The following RAB7A variants were observed in gnomAD, a reference collection of about 807,000 sequenced individuals.
The protein encoded by RAB7A is RAB7A, member RAS oncogene family, also known as ras-related protein Rab-7a.
A neutral mutation model predicts 24.5 loss-of-function variants in RAB7A; 2 were observed. The ratio of observed to expected loss-of-function variants is 0.08; its 90% CI spans 0.03 to 0.26. RAB7A has a LOEUF of 0.26. Among genes scored for constraint, RAB7A ranks in the 10% least tolerant of loss-of-function variants. RAB7A has a pLI of 1.00. For missense variants in RAB7A, 118 were observed against 255.7 expected (o/e 0.46, Z 3.67); for synonymous variants, 100 against 95.9 (o/e 1.04, Z -0.25).
intron 1 of RAB7A, among the ~76,000 whole-genome samples, chr3:128,754,530 A>G (rs1460481050): frequency 1.3e-5 from 2 of 152,234 alleles, no homozygotes; most frequent in Non-Finnish European, 2.9e-5. Context: ...TGAGGCATAT[A>G]TACAAAACAA....
chr3:128,795,173 G>A (rs754623626), intron 1 of RAB7A, 187 bp from the exon 2 acceptor site: 7 of 648,448 alleles, frequency 1.1e-5, no homozygotes, highest in South Asian at 7.1e-5. Flanking sequence ...GTTCTGCCTC[G>A]CTCTTGGGTC....
At chr3:128,745,990 C>T (rs374752085) in intron 1 of RAB7A, among the ~76,000 whole-genome samples, 2 of 152,346 alleles carry the variant, frequency 1.3e-5, no homozygotes, top group East Asian at 1.9e-4. Flanking sequence ...ACCTGCCATG[C>T]TGTATTGTCA....
intron 1 of RAB7A, among the ~76,000 whole-genome samples, chr3:128,731,368 C>T (rs563642632): frequency 6.6e-6 from 1 of 152,194 alleles, no homozygotes; most frequent in East Asian, 1.9e-4. Context: ...ATGAGGATCC[C>T]TGAGATAACT....
intron 1 of RAB7A, among the ~76,000 whole-genome samples, chr3:128,730,474 C>T (rs747387493): frequency 2.6e-5 from 4 of 152,148 alleles, no homozygotes; most frequent in African/African-American, 7.2e-5. Flanking sequence ...GTGATCCACC[C>T]GCCTCGGCCT....
intron 3 of RAB7A, 124 bp downstream of exon 3, chr3:128,798,193 G>A: frequency 7.8e-7 from 1 of 1,283,164 alleles, no homozygotes; most frequent in Non-Finnish European, 1.1e-6. Context: ...GTAGATAATT[G>A]GCTGATACTC....
chr3:128,792,957 T>C (rs1933490771), intron 1 of RAB7A, among the ~76,000 whole-genome samples: 1 of 151,978 alleles, frequency 6.6e-6, no homozygotes, highest in Non-Finnish European at 1.5e-5. Flanking sequence ...TTCAAACGAT[T>C]CTCCTGCCTC....
chr3:128,757,136 C>T (rs142323572), intron 1 of RAB7A, among the ~76,000 whole-genome samples: 130 of 152,260 alleles, frequency 8.5e-4, no homozygotes, highest in African/African-American at 3.0e-3. Context: ...TGAGCCACCA[C>T]ACCTGGCCCA....
At chr3:128,780,490 G>C (rs1368757847) in intron 1 of RAB7A, among the ~76,000 whole-genome samples, 1 of 152,112 alleles carries the variant, frequency 6.6e-6, no homozygotes, top group African/African-American at 2.4e-5. Context: ...GTACTTACCA[G>C]CTTATAGAGA....
intron 2 of RAB7A, among the ~76,000 whole-genome samples, chr3:128,795,750 G>GTTTTTTTTTTTT (rs1491091651): frequency 8.7e-4 from 6 of 6,872 alleles, no homozygotes; most frequent in South Asian, 0.014. Flanking sequence ...TAGCAGATGT[G>GTTTTTTTTTTTT]CTTTTTTTTT....
intron 1 of RAB7A, among the ~76,000 whole-genome samples, chr3:128,775,838 A>G (rs1220229695): frequency 1.3e-5 from 2 of 152,212 alleles, no homozygotes; most frequent in African/African-American, 4.8e-5. Flanking sequence ...ATATACACAC[A>G]TTGTAGAATG....
intron 1 of RAB7A, among the ~76,000 whole-genome samples, chr3:128,776,633 T>A (rs953719160): frequency 1.5e-4 from 23 of 152,238 alleles, no homozygotes; most frequent in African/African-American, 5.5e-4. Flanking sequence ...CTTAAGTTGA[T>A]TCCATATTTC....
At chr3:128,782,000 GA>G (rs1213137659) in intron 1 of RAB7A, among the ~76,000 whole-genome samples, 12 of 152,000 alleles carry the variant, frequency 7.9e-5, no homozygotes, top group Non-Finnish European at 1.5e-4. Context: ...GCGACAGAGC[GA>G]GACTCCATCT....
chr3:128,807,527 C>G lies in RAB7A; in HGVS notation c.400-16C>G, dbSNP rs372568290. ...CTTCTGTCATGAGCCTATGTGCACCCTGCTTCTTCTTTCAGGTGGCCACAA... is the reference window on the plus strand; with the variant it reads ...CTTCTGTCATGAGCCTATGTGCACCGTGCTTCTTCTTTCAGGTGGCCACAA... On this transcript the variant is annotated splice_polypyrimidine_tract_variant and intron_variant, in intron 4 of 5. Transcript: ENST00000265062. 2.0e-5 allele frequency: 33 copies of G among 1,613,636 alleles called. No individual in the cohort carries two copies. Among genetic ancestry groups the G allele is most frequent in the Middle Eastern group, 1.7e-4 (1 of 5,812 alleles).
Position 128,806,365 on chromosome 3 carries a change from C to T in RAB7A, c.181-7C>T, listed in dbSNP as rs1402096931. The stretch of plus-strand genomic sequence containing the variant: ...CTCCCAAGGAATGAATGTTTTGTCT[C>T]TCACAGATATGGGACACAGCAGGAC... On this transcript the variant is annotated splice_polypyrimidine_tract_variant and splice_region_variant and intron_variant, in intron 3 of 5. Coordinates refer to ENST00000265062, the MANE Select transcript of RAB7A (RefSeq NM_004637.6). 1.9e-6 allele frequency: 3 copies of T among 1,603,862 alleles called. No homozygotes were observed. The highest frequency in any genetic ancestry group is 1.7e-6 in the Non-Finnish European group (2 of 1,171,876).
At chr3:128,767,376 G>C (rs1352299104) in intron 1 of RAB7A, among the ~76,000 whole-genome samples, 2 of 152,232 alleles carry the variant, frequency 1.3e-5, no homozygotes, top group Non-Finnish European at 1.5e-5. Flanking sequence ...CAAGCTCTTG[G>C]AGTGCCTGAG....
At chr3:128,812,744 G>A (rs1306261545) in intron 5 of RAB7A, among the ~76,000 whole-genome samples, 2 of 152,182 alleles carry the variant, frequency 1.3e-5, no homozygotes, top group Non-Finnish European at 1.5e-5. Flanking sequence ...TGCAGCATTT[G>A]GGAGACAAAA....
intron 2 of RAB7A, 152 bp downstream of exon 2, chr3:128,795,572 C>A: frequency 1.3e-6 from 1 of 747,264 alleles, no homozygotes; most frequent in South Asian, 1.5e-5. Context: ...TAGATGATCC[C>A]TTGTTATATA....
In RAB7A at chr3:128,764,294, CT is replaced by C. The variant is rs60683091; in HGVS notation, c.-8-31055del. Among the ~76,000 whole-genome samples the C allele has an allele frequency of 1.0e-3, 150 of 146,496 alleles. 1 individual carries two copies. The East Asian group carries it at 0.012, about 12-fold the overall frequency. Reference sequence around the variant, plus strand: ...AGCTTTGCTACCGACAACTTTCTTTCTTTTTTTTTTTGGTACCAAATTTCTT... The same window carrying C: ...AGCTTTGCTACCGACAACTTTCTTTCTTTTTTTTTTGGTACCAAATTTCTT... On this transcript the variant is annotated intron_variant, in intron 1 of 5. Transcript: ENST00000265062.
intron 1 of RAB7A, among the ~76,000 whole-genome samples, chr3:128,742,258 G>A (rs559278096): frequency 6.6e-6 from 1 of 152,232 alleles, no homozygotes; most frequent in South Asian, 2.1e-4. Context: ...GGCTTCAGGA[G>A]TGAAGCTGCA....
Sources: gnomAD v4.1 joint callset for allele counts (sites outside exome capture counted in the v4.1 genomes callset) on GRCh38, gnomAD v4.1.1 for gene constraint, MANE v1.5 for transcripts, NCBI Gene and HGNC (gene_info 2026-07-23, HGNC 2026-07-21) for gene names.